The following SPAG16 variants were observed in gnomAD, a reference collection of about 807,000 sequenced individuals.
The protein encoded by SPAG16 is sperm-associated antigen 16 protein.
Under a neutral mutation model 80.4 loss-of-function variants are expected in SPAG16, and 86 were observed. That is an observed-to-expected ratio of 1.07 (90% CI 0.90 to 1.28). The LOEUF (loss-of-function observed/expected upper bound fraction) is 1.28. Ranked by LOEUF, SPAG16 falls within the 50% of genes most tolerant of loss-of-function variation. SPAG16 has a pLI of 0.00. For missense variants in SPAG16, 870 were observed against 765.3 expected, an observed-to-expected ratio of 1.14 and a Z score of -1.61; for synonymous variants, 294 against 265.9, an observed-to-expected ratio of 1.11 and a Z score of -1.03.
intron 15 of SPAG16, among the ~76,000 whole-genome samples, chr2:214,290,432 C>T (rs1052014256): frequency 6.6e-6 from 1 of 151,962 alleles, no homozygotes; most frequent in African/African-American, 2.4e-5. Context: ...ATTTGACTTA[C>T]CCTTGCTTTC....
intron 10 of SPAG16, among the ~76,000 whole-genome samples, chr2:213,626,483 GA>G (rs942795049): frequency 1.3e-5 from 2 of 151,850 alleles, no homozygotes; most frequent in African/African-American, 4.8e-5. Flanking sequence ...GTATAATAAT[GA>G]AAAATATATA....
intron 1 of SPAG16, among the ~76,000 whole-genome samples, chr2:213,290,037 A>G (rs2062207522): frequency 6.6e-6 from 1 of 152,140 alleles, no homozygotes; most frequent in Admixed American, 6.5e-5. Flanking sequence ...AAAATGTCTC[A>G]CCGAGGTTTC....
intron 9 of SPAG16, among the ~76,000 whole-genome samples, chr2:213,430,545 A>T (rs76919062): frequency 6.6e-6 from 1 of 152,140 alleles, no homozygotes. Flanking sequence ...TCTTCTTCCA[A>T]TGTGGCCCAG....
chr2:214,074,297 A>C (rs901517041), intron 13 of SPAG16, among the ~76,000 whole-genome samples: 1 of 152,208 alleles, frequency 6.6e-6, no homozygotes, highest in African/African-American at 2.4e-5. Flanking sequence ...CTAAGACATA[A>C]ATACAATGGA....
At chr2:214,351,622 G>T (rs1314399657) in intron 15 of SPAG16, among the ~76,000 whole-genome samples, 1 of 151,978 alleles carries the variant, frequency 6.6e-6, no homozygotes, top group South Asian at 2.1e-4. Context: ...AGAATGGCGT[G>T]AACCCAGGAG....
chr2:213,701,551 G>C (rs1158134135), intron 10 of SPAG16, among the ~76,000 whole-genome samples: 1 of 152,090 alleles, frequency 6.6e-6, no homozygotes, highest in Admixed American at 6.5e-5. Flanking sequence ...GTGGGGAGGT[G>C]TGGAGGGCGC....
chr2:213,376,850 C>A (rs936600736), intron 9 of SPAG16, among the ~76,000 whole-genome samples: 10 of 152,110 alleles, frequency 6.6e-5, no homozygotes, highest in African/African-American at 2.4e-4. Flanking sequence ...GCAGACATTG[C>A]AAATTTAACT....
intron 9 of SPAG16, among the ~76,000 whole-genome samples, chr2:213,466,875 T>A (rs2072727906): frequency 6.6e-6 from 1 of 152,190 alleles, no homozygotes; most frequent in Admixed American, 6.5e-5. Context: ...CCATCCAGGT[T>A]AGCTGGGTGG....
intron 13 of SPAG16, among the ~76,000 whole-genome samples, chr2:214,020,734 T>G (rs1187470569): frequency 6.6e-6 from 1 of 152,166 alleles, no homozygotes; most frequent in Admixed American, 6.6e-5. Context: ...AAGGAATTTT[T>G]GTTAAAATTT....
intron 10 of SPAG16, among the ~76,000 whole-genome samples, chr2:213,772,320 A>G (rs1965056): frequency 0.58 from 87,903 of 151,898 alleles, 25,610 homozygotes; most frequent in Middle Eastern, 0.65. Flanking sequence ...TCAACATGCC[A>G]GATCTTGACT....
intron 13 of SPAG16, among the ~76,000 whole-genome samples, chr2:214,069,742 C>A (rs2050699000): frequency 6.6e-6 from 1 of 151,828 alleles, no homozygotes; most frequent in East Asian, 1.9e-4. Flanking sequence ...ATTTTAGAAA[C>A]TTCTATATCT....
chr2:214,334,784 T>C (rs1697166395), intron 15 of SPAG16, among the ~76,000 whole-genome samples: 1 of 152,222 alleles, frequency 6.6e-6, no homozygotes, highest in South Asian at 2.1e-4. Context: ...ACTGATAACA[T>C]TTTAACAATT....
At chr2:214,187,663 T>C (rs1010932401) in intron 15 of SPAG16, among the ~76,000 whole-genome samples, 4 of 109,190 alleles carry the variant, frequency 3.7e-5, no homozygotes, top group African/African-American at 1.0e-4. Context: ...GAATTAGTCA[T>C]GTAAACAATA....
chr2:214,313,949 A>G (rs1219660576), intron 15 of SPAG16, among the ~76,000 whole-genome samples: 3 of 152,174 alleles, frequency 2.0e-5, no homozygotes, highest in East Asian at 3.8e-4. Flanking sequence ...CTAATTCAAA[A>G]TATATGATTA....
chr2:213,782,629 G>T (rs1195210163), intron 10 of SPAG16, among the ~76,000 whole-genome samples: 1 of 152,126 alleles, frequency 6.6e-6, no homozygotes. Context: ...ATTTTTGAAA[G>T]CTTCACAACA....
chr2:213,693,777 T>G (rs1428149822), intron 10 of SPAG16, among the ~76,000 whole-genome samples: 1 of 152,200 alleles, frequency 6.6e-6, no homozygotes, highest in African/African-American at 2.4e-5. Flanking sequence ...TAGTTGCTTT[T>G]GTAGCTTTGA....
chr2:213,344,935 A>G (rs2064890519), intron 6 of SPAG16, among the ~76,000 whole-genome samples: 1 of 152,232 alleles, frequency 6.6e-6, no homozygotes, highest in Non-Finnish European at 1.5e-5. Flanking sequence ...TTCTAGTTCA[A>G]GATCCCTGAG....
intron 12 of SPAG16, among the ~76,000 whole-genome samples, chr2:213,990,040 C>A (rs549329248): frequency 8.5e-5 from 13 of 152,172 alleles, no homozygotes; most frequent in East Asian, 5.8e-4. Flanking sequence ...CAGAAAGGAT[C>A]TGACATGGGG....
chr2:213,830,531 G>A (rs564522585), intron 10 of SPAG16, among the ~76,000 whole-genome samples: 1 of 152,272 alleles, frequency 6.6e-6, no homozygotes, highest in South Asian at 2.1e-4. Flanking sequence ...TGGTGTTCCT[G>A]CAGGAAGGAT....
Sources: allele counts gnomAD v4.1 joint callset (sites outside exome capture counted in the v4.1 genomes callset), GRCh38; gene constraint gnomAD v4.1.1; transcripts MANE v1.5; gene names NCBI Gene and HGNC (gene_info 2026-07-23, HGNC 2026-07-21).